Variants in SAMMSON observed in about 807,000 individuals in gnomAD.
SAMMSON encodes the protein survival associated mitochondrial melanoma specific oncogenic non-coding RNA.
chr3:70,007,397 A>C (rs1286753774), intron 1 of SAMMSON, among the ~76,000 whole-genome samples: 2 of 152,218 alleles, frequency 1.3e-5, no homozygotes, highest in African/African-American at 4.8e-5. Flanking sequence ...TCTGATGGCC[A>C]GTGATGATGA....
intron 2 of SAMMSON, among the ~76,000 whole-genome samples, chr3:70,430,412 G>A (rs73105781): frequency 0.12 from 18,147 of 151,982 alleles, 1,352 homozygotes; most frequent in East Asian, 0.3. Context: ...ATTATAATAC[G>A]TTCAACGGAA....
chr3:70,335,883 T>C (rs2106725164), intron 7 of SAMMSON, among the ~76,000 whole-genome samples: 1 of 152,032 alleles, frequency 6.6e-6, no homozygotes, highest in East Asian at 1.9e-4. Context: ...ATTATGCTGT[T>C]ATAGCTGTAT....
chr3:70,431,801 A>G (rs1181984921), intron 2 of SAMMSON, among the ~76,000 whole-genome samples: 3 of 152,028 alleles, frequency 2.0e-5, no homozygotes, highest in African/African-American at 7.2e-5. Flanking sequence ...TGGATTAGTT[A>G]TATATATTTG....
intron 2 of SAMMSON, among the ~76,000 whole-genome samples, chr3:70,429,680 C>A (rs1701398342): frequency 6.6e-6 from 1 of 152,142 alleles, no homozygotes; most frequent in Admixed American, 6.6e-5. Context: ...AGAGGTCCTT[C>A]ACATCCCTTG....
At chr3:70,108,465 A>G (rs1188959661) in intron 4 of SAMMSON, among the ~76,000 whole-genome samples, 2 of 120,824 alleles carry the variant, frequency 1.7e-5, no homozygotes, top group African/African-American at 3.1e-5. Flanking sequence ...TAAGGAGCTG[A>G]GTTAGACTTG....
chr3:70,276,368 A>T (rs1049067330), intron 6 of SAMMSON, among the ~76,000 whole-genome samples: 7 of 152,174 alleles, frequency 4.6e-5, no homozygotes, highest in East Asian at 1.9e-4. Context: ...TACTTCTGGA[A>T]ATGTATGTTA....
chr3:70,411,785 T>G (rs1278117414), intron 2 of SAMMSON, among the ~76,000 whole-genome samples: 1 of 152,216 alleles, frequency 6.6e-6, no homozygotes, highest in Non-Finnish European at 1.5e-5. Flanking sequence ...CTGCTATGAT[T>G]GTGAGGTCTC....
chr3:70,161,135 C>A (rs572939654), intron 4 of SAMMSON, among the ~76,000 whole-genome samples: 2 of 151,976 alleles, frequency 1.3e-5, no homozygotes, highest in Non-Finnish European at 1.5e-5. Context: ...TTTTTTCCAG[C>A]CTAGATGTCT....
At chr3:70,387,272 C>G (rs1227412816) in intron 9 of SAMMSON, among the ~76,000 whole-genome samples, 1 of 151,916 alleles carries the variant, frequency 6.6e-6, no homozygotes, top group Admixed American at 6.6e-5. Context: ...TATATGGAAA[C>G]CCTAGAAATA....
In SAMMSON at chr3:70,271,007, C is replaced by T. The variant is rs113018889; in HGVS notation, n.675-20172C>T. On this transcript the variant is annotated intron_variant and non_coding_transcript_variant, in intron 6 of 9. Transcript: ENST00000642114. ...ATATAACAAACCTGCACATTCTGCACATGTATCCCAGAACTTCAAGTATAA... is the reference window on the plus strand; with the variant it reads ...ATATAACAAACCTGCACATTCTGCATATGTATCCCAGAACTTCAAGTATAA... Among the ~76,000 whole-genome samples the T allele has an allele frequency of 6.3e-3, 960 of 151,926 alleles. 10 individuals carry two copies. Among genetic ancestry groups the T allele is most frequent in the African/African-American group, 0.022 (915 of 41,428 alleles).
intron 1 of SAMMSON, among the ~76,000 whole-genome samples, chr3:70,005,321 T>C (rs1245314882): frequency 6.6e-6 from 1 of 150,530 alleles, no homozygotes; most frequent in Non-Finnish European, 1.5e-5. Context: ...ACATTAGGAA[T>C]GCTAGTAGAG....
chr3:70,291,354 T>A (rs1416302677), intron 7 of SAMMSON: 4 of 152,136 alleles, frequency 2.6e-5, no homozygotes, highest in Non-Finnish European at 5.9e-5. Context: ...CATAACTCTT[T>A]AGAACAGTGT....
At chr3:70,298,620 G>A (rs1419011545) in intron 7 of SAMMSON, among the ~76,000 whole-genome samples, 1 of 152,088 alleles carries the variant, frequency 6.6e-6, no homozygotes, top group Non-Finnish European at 1.5e-5. Flanking sequence ...CACCATGACT[G>A]TGCTGAAGCT....
intron 3 of SAMMSON, among the ~76,000 whole-genome samples, chr3:70,048,713 A>T (rs2107588636): frequency 6.6e-6 from 1 of 152,242 alleles, no homozygotes; most frequent in East Asian, 1.9e-4. Flanking sequence ...ACTTCTTCTT[A>T]TGTGTCAGAC....
At chr3:70,297,878 G>C (rs1340783682) in intron 7 of SAMMSON, among the ~76,000 whole-genome samples, 1 of 152,096 alleles carries the variant, frequency 6.6e-6, no homozygotes. Flanking sequence ...AAGTACAGTT[G>C]ATGCATAATG....
intron 4 of SAMMSON, among the ~76,000 whole-genome samples, chr3:70,210,556 T>C (rs971746990): frequency 6.6e-6 from 1 of 152,054 alleles, no homozygotes; most frequent in African/African-American, 2.4e-5. Flanking sequence ...TTATTCGACA[T>C]TGCACCCAAA....
chr3:70,292,458 C>T (rs1575617824), intron 7 of SAMMSON, among the ~76,000 whole-genome samples: 1 of 152,070 alleles, frequency 6.6e-6, no homozygotes, highest in Non-Finnish European at 1.5e-5. Flanking sequence ...GTAATACTAG[C>T]AAAGGTAAAT....
At chr3:70,372,663 C>T (rs112071169) in intron 9 of SAMMSON, among the ~76,000 whole-genome samples, 8 of 152,122 alleles carry the variant, frequency 5.3e-5, no homozygotes, top group African/African-American at 1.9e-4. Flanking sequence ...TTTTTGCATA[C>T]GTGTTCCAGA....
At chr3:70,404,180 A>T (rs904930899) in intron 2 of SAMMSON, among the ~76,000 whole-genome samples, 1 of 152,062 alleles carries the variant, frequency 6.6e-6, no homozygotes, top group African/African-American at 2.4e-5. Context: ...GTTTCTTATG[A>T]TCATTATAAT....
Sources: gnomAD v4.1 joint callset for allele counts (sites outside exome capture counted in the v4.1 genomes callset) on GRCh38, gnomAD v4.1.1 for gene constraint, MANE v1.5 for transcripts, NCBI Gene and HGNC (gene_info 2026-07-23, HGNC 2026-07-21) for gene names.